The following DACH1 variants were observed in gnomAD, a reference collection of about 807,000 sequenced individuals.
DACH1 encodes the protein dachshund family transcription factor 1.
A neutral mutation model predicts 54.2 loss-of-function variants in DACH1; 12 were observed. The ratio of observed to expected loss-of-function variants is 0.22; its 90% CI spans 0.14 to 0.36. The LOEUF is 0.36. Among genes scored for constraint, DACH1 ranks in the 10% least tolerant of loss-of-function variants. The pLI, the probability that DACH1 is intolerant of heterozygous loss-of-function variation, is 1.00. For missense variants in DACH1, 805 were observed against 929.8 expected (o/e 0.87, Z 1.75); for synonymous variants, 386 against 366.2 (o/e 1.05, Z -0.62).
At chr13:71,754,036 A>G (rs1885037675) in intron 1 of DACH1, among the ~76,000 whole-genome samples, 1 of 152,224 alleles carries the variant, frequency 6.6e-6, no homozygotes. Flanking sequence ...AATGTGACTC[A>G]TGATTATCTT....
At chr13:71,495,324 G>T (rs912850657) in intron 6 of DACH1, among the ~76,000 whole-genome samples, 1 of 151,846 alleles carries the variant, frequency 6.6e-6, no homozygotes, top group Non-Finnish European at 1.5e-5. Context: ...CAAAATACTA[G>T]AGAATAAAAT....
At chr13:71,728,367 G>A (rs967742238) in intron 1 of DACH1, among the ~76,000 whole-genome samples, 5 of 151,942 alleles carry the variant, frequency 3.3e-5, no homozygotes, top group Admixed American at 2.6e-4. Flanking sequence ...CTCAGGTTAA[G>A]TGTTAAATTA....
chr13:71,531,104 T>G (rs973417564), intron 6 of DACH1, among the ~76,000 whole-genome samples: 3 of 152,112 alleles, frequency 2.0e-5, no homozygotes, highest in Non-Finnish European at 4.4e-5. Context: ...TAGCTTCCTC[T>G]TGTTAGATAC....
Position 71,627,897 on chromosome 13 carries a change from A to C in DACH1, c.1126+2659T>G, listed in dbSNP as rs571311529. ...AGCAGTTGATGGTGGTAAGAAAGGA[A>C]GAAGGTGATTTCCAGGAGGACAGAT... On this transcript the variant is annotated intron_variant, in intron 3 of 10. Coordinates refer to ENST00000613252, the MANE Select transcript of DACH1 (RefSeq NM_080759.6). Among the ~76,000 whole-genome samples the C allele has an allele frequency of 7.5e-4, 114 of 152,238 alleles. 1 individual carries two copies. The highest frequency in any genetic ancestry group is 6.5e-4 in the Non-Finnish European group (44 of 67,974).
At chr13:71,616,652 T>C (rs991602366) in intron 3 of DACH1, among the ~76,000 whole-genome samples, 2 of 151,938 alleles carry the variant, frequency 1.3e-5, no homozygotes, top group East Asian at 1.9e-4. Context: ...AGGAGGATCA[T>C]GTGAGCCCAG....
At chr13:71,827,903 C>T (rs1404442076) in intron 1 of DACH1, among the ~76,000 whole-genome samples, 2 of 152,012 alleles carry the variant, frequency 1.3e-5, no homozygotes, top group Non-Finnish European at 2.9e-5. Context: ...TTCAGAGCAA[C>T]TGCATTGTGT....
chr13:71,586,535 A>G (rs1304786322), intron 3 of DACH1, among the ~76,000 whole-genome samples: 1 of 152,134 alleles, frequency 6.6e-6, no homozygotes, highest in Non-Finnish European at 1.5e-5. Context: ...ACAGTATTAC[A>G]CACTATTTAT....
intron 6 of DACH1, among the ~76,000 whole-genome samples, chr13:71,548,027 C>T (rs1440400930): frequency 1.3e-5 from 2 of 152,094 alleles, no homozygotes; most frequent in African/African-American, 2.4e-5. Flanking sequence ...CAGGGGTATA[C>T]GTGTGCACAC....
intron 3 of DACH1, among the ~76,000 whole-genome samples, chr13:71,611,949 A>G (rs1875362445): frequency 6.6e-6 from 1 of 152,192 alleles, no homozygotes; most frequent in Non-Finnish European, 1.5e-5. Flanking sequence ...TATGTAAAAG[A>G]GCTCAGATAC....
intron 3 of DACH1, among the ~76,000 whole-genome samples, chr13:71,616,477 T>C (rs1228670953): frequency 6.6e-6 from 1 of 152,210 alleles, no homozygotes; most frequent in East Asian, 1.9e-4. Context: ...TCAGGTGTGG[T>C]GGCTCACATC....
intron 2 of DACH1, among the ~76,000 whole-genome samples, chr13:71,666,764 C>T (rs2138666495): frequency 6.6e-6 from 1 of 152,174 alleles, no homozygotes; most frequent in South Asian, 2.1e-4. Context: ...GGTGGGTCAC[C>T]TGAGTCAGGA....
chr13:71,663,259 A>G (rs1224016248), intron 2 of DACH1, among the ~76,000 whole-genome samples: 1 of 151,792 alleles, frequency 6.6e-6, no homozygotes, highest in Non-Finnish European at 1.5e-5. Context: ...TAATTCAATA[A>G]CATCAATCAG....
chr13:71,692,897 T>C (rs1049044580), intron 1 of DACH1, among the ~76,000 whole-genome samples: 4 of 152,282 alleles, frequency 2.6e-5, no homozygotes, highest in East Asian at 1.9e-4. Context: ...TTTGGTGTTA[T>C]ATTATCAACT....
Position 71,572,889 on chromosome 13 carries a change from G to A in DACH1, c.1250C>T (p.Ala417Val), listed in dbSNP as rs1885302458. Residue 417 changes from alanine to valine, a missense_variant, in exon 4 of 11, where the codon GCA becomes GTA. Transcript: ENST00000613252. ...HLSTIANMAAAAQVQSPPSRV... is the reference protein window; with the variant it reads ...HLSTIANMAAVAQVQSPPSRV... The stretch of plus-strand genomic sequence containing the variant: ...GGATGGGGGACTCTGAACTTGTGCT[G>A]CTGCTGCCATATTTGCAATGGTGCT... The A allele has an allele frequency of 1.2e-6, 2 of 1,614,004 alleles. No individual in the cohort carries two copies. Among genetic ancestry groups the A allele is most frequent in the East Asian group, 4.5e-5 (2 of 44,848 alleles).
At chr13:71,529,632 T>C (rs888108469) in intron 6 of DACH1, among the ~76,000 whole-genome samples, 3 of 152,202 alleles carry the variant, frequency 2.0e-5, no homozygotes, top group African/African-American at 7.2e-5. Flanking sequence ...ACTAAAGATT[T>C]CAGATAACTT....
chr13:71,855,243 T>C (rs1473703278), intron 1 of DACH1, among the ~76,000 whole-genome samples: 1 of 152,046 alleles, frequency 6.6e-6, no homozygotes, highest in Admixed American at 6.6e-5. Flanking sequence ...TTTTTAACTT[T>C]TAATTTGAAA....
chr13:71,669,274 T>C (rs889714044), intron 2 of DACH1, among the ~76,000 whole-genome samples: 6 of 152,090 alleles, frequency 3.9e-5, no homozygotes, highest in Non-Finnish European at 8.8e-5. Flanking sequence ...TTCATCTGTA[T>C]TTGAAGCCAC....
chr13:71,545,872 T>C (rs1327989058), intron 6 of DACH1, among the ~76,000 whole-genome samples: 1 of 152,042 alleles, frequency 6.6e-6, no homozygotes, highest in Non-Finnish European at 1.5e-5. Flanking sequence ...GGGAAGATAA[T>C]TATCTATTAA....
intron 1 of DACH1, among the ~76,000 whole-genome samples, chr13:71,692,635 G>C (rs1261087181): frequency 6.9e-6 from 1 of 144,104 alleles, no homozygotes; most frequent in East Asian, 2.2e-4. Flanking sequence ...CGATTCTTCT[G>C]CCTCAGCCTC....
Sources: gnomAD v4.1 joint callset for allele counts (sites outside exome capture counted in the v4.1 genomes callset) on GRCh38, gnomAD v4.1.1 for gene constraint, MANE v1.5 for transcripts, NCBI Gene and HGNC (gene_info 2026-07-23, HGNC 2026-07-21) for gene names.